NRK: variants seen among roughly 807,000 people sequenced by gnomAD.
NRK encodes nik-related protein kinase.
In NRK, 67 loss-of-function variants were observed where a neutral mutation model predicts 125.2. That is an observed-to-expected ratio of 0.54 (90% confidence interval 0.44 to 0.66). The LOEUF (loss-of-function observed/expected upper bound fraction) is 0.66. NRK is among the 30% of genes least tolerant of loss of function. The probability of loss-of-function intolerance (pLI) is 0.00; values close to 1 mark genes in which losing one functional copy is unlikely to be tolerated. For missense variants in NRK, 1,224 were observed against 1,192.9 expected (o/e 1.03, Z -0.38); for synonymous variants, 458 against 429.0 (o/e 1.07, Z -0.84).
At chrX:105,950,913 A>C (rs1301097233) in intron 27 of NRK, among the ~76,000 whole-genome samples, 1 of 110,536 alleles carries the variant, frequency 9.0e-6, no homozygotes, top group Non-Finnish European at 1.9e-5. Context: ...TATGATCCTC[A>C]TGTGGCTTTA....
At chrX:105,842,961 A>G (rs2039348941) in intron 2 of NRK, among the ~76,000 whole-genome samples, 2 of 111,983 alleles carry the variant, frequency 1.8e-5, no homozygotes, top group African/African-American at 6.5e-5. Flanking sequence ...CCACAAAACA[A>G]AGTGTTTCAA....
At chrX:105,922,250 G>A (rs1477025638) in intron 17 of NRK, among the ~76,000 whole-genome samples, 189 bp downstream of exon 17, 1 of 111,869 alleles carries the variant, frequency 8.9e-6, no homozygotes, top group Non-Finnish European at 1.9e-5. Flanking sequence ...ATTGAAATGG[G>A]AAAACATTTA....
chrX:105,857,879 T>A (rs190473922), intron 2 of NRK, among the ~76,000 whole-genome samples: 1 of 110,476 alleles, frequency 9.1e-6, no homozygotes, highest in Admixed American at 9.7e-5. Context: ...TTTTTCCTTC[T>A]CTCTCTCTCT....
intron 2 of NRK, among the ~76,000 whole-genome samples, chrX:105,842,192 C>G (rs1019281566): frequency 9.0e-6 from 1 of 111,552 alleles, no homozygotes; most frequent in African/African-American, 3.3e-5. Context: ...TGATGTGTCT[C>G]TCCAACATAT....
chrX:105,917,476 C>A, intron 15 of NRK, 102 bp from the exon 16 acceptor site: 1 of 408,545 alleles, frequency 2.4e-6, no homozygotes. Flanking sequence ...TTGATATGTA[C>A]CCATATATTT....
In NRK at chrX:105,946,419, C is replaced by A; in HGVS notation, c.4308C>A (p.Ile1436=). 2.5e-6 allele frequency: 3 copies of A among 1,196,204 alleles called. No individual in the cohort carries two copies. The highest frequency in any genetic ancestry group is 3.4e-6 in the Non-Finnish European group (3 of 882,303). ...GCTCAGCAGATGGATATCACCTCATCGATGCAGAATCTGAGGTTATGTCTG... is the reference window on the plus strand; with the variant it reads ...GCTCAGCAGATGGATATCACCTCATAGATGCAGAATCTGAGGTTATGTCTG... ...FFSSADGYHL[I]DAESEVMSDV... is the part of the protein sequence containing the mutation. The change falls in exon 26 of 29, where the codon ATC becomes ATA. Residue 1436 remains isoleucine (I), a synonymous_variant. Transcript: ENST00000243300.
At chrX:105,863,321 G>GAC (rs769445045) in intron 2 of NRK, among the ~76,000 whole-genome samples, 9,565 of 60,348 alleles carry the variant, frequency 0.16, 477 homozygotes, top group Non-Finnish European at 0.2. Context: ...AATAGTAACA[G>GAC]ACACACACAC....
chrX:105,907,674 A>G (rs2040237833), intron 11 of NRK: 1 of 112,412 alleles, frequency 8.9e-6, no homozygotes, highest in South Asian at 3.7e-4. Context: ...AAGTTACACT[A>G]AAGATATAAA....
At chrX:105,926,277 T>C (rs1289574851) in intron 19 of NRK, among the ~76,000 whole-genome samples, 1 of 112,022 alleles carries the variant, frequency 8.9e-6, no homozygotes, top group Non-Finnish European at 1.9e-5. Flanking sequence ...CATTTGTCCA[T>C]TTTGTTTATT....
At chrX:105,908,403 C>A in intron 12 of NRK, 100 bp downstream of exon 12, 1 of 460,934 alleles carries the variant, frequency 2.2e-6, no homozygotes, top group Non-Finnish European at 3.5e-6. Flanking sequence ...TTAATTCTTT[C>A]TGATACAACA....
intron 8 of NRK, among the ~76,000 whole-genome samples, chrX:105,899,300 T>C (rs2040125532): frequency 1.8e-5 from 2 of 112,119 alleles, no homozygotes; most frequent in Non-Finnish European, 3.8e-5. Context: ...AAAAGGTTGA[T>C]GTGGAAAGAA....
intron 2 of NRK, among the ~76,000 whole-genome samples, chrX:105,879,078 C>T (rs953104174): frequency 1.8e-5 from 2 of 110,861 alleles, no homozygotes; most frequent in African/African-American, 6.6e-5. Context: ...AGTTGTATCA[C>T]TGCAATTTCT....
At chrX:105,947,768 A>G (rs999927635) in intron 26 of NRK, among the ~76,000 whole-genome samples, 18 of 112,359 alleles carry the variant, frequency 1.6e-4, no homozygotes, top group African/African-American at 5.8e-4. Flanking sequence ...TGTATTTTCA[A>G]ATTACTACAG....
intron 2 of NRK, among the ~76,000 whole-genome samples, chrX:105,834,751 AT>A (rs2039240522): frequency 9.2e-6 from 1 of 108,109 alleles, no homozygotes; most frequent in African/African-American, 3.4e-5. Context: ...GTTTTGATCA[AT>A]TTTTTTTCTA....
chrX:105,908,000 G>A (rs1447421037), intron 11 of NRK: 15 of 228,903 alleles, frequency 6.6e-5, no homozygotes, highest in Non-Finnish European at 9.5e-5. Flanking sequence ...AAATCAAGTT[G>A]CTAAATTTTC....
In NRK at chrX:105,958,280, C is replaced by T. The variant is rs1359768496; in HGVS notation, c.*2680C>T. On this transcript the variant is annotated 3_prime_UTR_variant, in exon 29 of 29. Coordinates refer to ENST00000243300, the MANE Select transcript of NRK (RefSeq NM_198465.4). ...ATAATCATTAAGATAGTAAAACAGG[C>T]AAAGCAGAATCACATGTGCACACAC... The T allele has an allele frequency of 2.7e-5, 3 of 111,997 alleles. No homozygotes were observed. The highest frequency in any genetic ancestry group is 9.8e-5 in the African/African-American group (3 of 30,740). The allele number at this position is 111,997 out of a possible 1,213,427, so 9.2% of individuals were successfully genotyped here.
At chrX:105,954,579 C>T (rs1046936852) in intron 28 of NRK, among the ~76,000 whole-genome samples, 1 of 110,264 alleles carries the variant, frequency 9.1e-6, no homozygotes, top group Non-Finnish European at 1.9e-5. Context: ...TGTACAGTTA[C>T]ATACACTGTA....
At position 105,934,248 on chromosome X, in the gene NRK, C is replaced by A. The variant is rs772912101; in HGVS notation, c.3313-10C>A. 4 of 1,129,461 alleles carry A rather than the reference C, an allele frequency of 3.5e-6. No homozygotes were observed. The Admixed American group carries it at 9.0e-5, about 25-fold the overall frequency. The allele number at this position is 1,129,461 out of a possible 1,213,427, so 93.1% of individuals were successfully genotyped here. Reference sequence around the variant, plus strand: ...AATGAAATAAAAATTGGTTTTTGGACTTCTTTTAGGAGCCAGGTGGTGGAA... The same window carrying A: ...AATGAAATAAAAATTGGTTTTTGGAATTCTTTTAGGAGCCAGGTGGTGGAA... On this transcript the variant is annotated splice_polypyrimidine_tract_variant and intron_variant, in intron 19 of 28. Coordinates refer to ENST00000243300, the MANE Select transcript of NRK (RefSeq NM_198465.4).
chrX:105,866,504 A>G lies in NRK; in HGVS notation c.124-13695A>G, dbSNP rs946462575. Among the ~76,000 whole-genome samples the G allele has an allele frequency of 6.2e-5, 7 of 112,159 alleles. 1 individual carries two copies. The South Asian group carries it at 2.6e-3, about 41-fold the overall frequency. ...AAAAATTGATTATAATCTTGGCTGTAGAGAAAATCTTAAATACCAAAGAAT... is the reference window on the plus strand; with the variant it reads ...AAAAATTGATTATAATCTTGGCTGTGGAGAAAATCTTAAATACCAAAGAAT... On this transcript the variant is annotated intron_variant, in intron 2 of 28. Transcript: ENST00000243300.
Sources: gnomAD v4.1 joint callset for allele counts (sites outside exome capture counted in the v4.1 genomes callset) on GRCh38, gnomAD v4.1.1 for gene constraint, MANE v1.5 for transcripts, NCBI Gene and HGNC (gene_info 2026-07-23, HGNC 2026-07-21) for gene names.